ABCC6: variants seen among roughly 807,000 people sequenced by gnomAD.
ABCC6 encodes ATP-binding cassette sub-family C member 6.
Under a neutral mutation model 169.5 loss-of-function variants are expected in ABCC6, and 126 were observed. The observed-to-expected ratio is 0.74, with a 90% CI of 0.64 to 0.86. The LOEUF (loss-of-function observed/expected upper bound fraction) is 0.86, where lower values mean the gene tolerates loss of function less well. Among genes scored for constraint, ABCC6 ranks in the 40% least tolerant of loss-of-function variants. The pLI is 0.00. For missense variants in ABCC6, 1,733 were observed against 1,927.2 expected (o/e 0.90, Z 1.89); for synonymous variants, 752 against 814.7 (o/e 0.92, Z 1.31).
chr16:16,179,584 C>G (rs1316564363), intron 17 of ABCC6, among the ~76,000 whole-genome samples: 1 of 151,970 alleles, frequency 6.6e-6, no homozygotes, highest in Non-Finnish European at 1.5e-5. Flanking sequence ...ATTATTATTA[C>G]TGCTGTTGTC....
chr16:16,189,631 T>A (rs1596677300), intron 12 of ABCC6, among the ~76,000 whole-genome samples: 2 of 152,186 alleles, frequency 1.3e-5, no homozygotes, highest in Non-Finnish European at 2.9e-5. Context: ...TTGGCCAGGC[T>A]GGTCTTGAAC....
intron 21 of ABCC6, chr16:16,173,027 G>C: frequency 1.9e-6 from 1 of 535,544 alleles, no homozygotes; most frequent in Non-Finnish European, 3.3e-6. Flanking sequence ...GGGTGAGTGA[G>C]CGAGCCACTT....
intron 14 of ABCC6, among the ~76,000 whole-genome samples, chr16:16,185,505 C>A (rs1357096757): frequency 6.6e-6 from 1 of 152,132 alleles, no homozygotes; most frequent in South Asian, 2.1e-4. Context: ...TTCACTGTGG[C>A]CGGCACAGTG....
At chr16:16,159,283 G>T (rs1208013749) in intron 26 of ABCC6, among the ~76,000 whole-genome samples, 199 bp downstream of exon 26, 1 of 152,160 alleles carries the variant, frequency 6.6e-6, no homozygotes, top group African/African-American at 2.4e-5. Context: ...AAGGAACCAA[G>T]ATTTGGCCTG....
rs1729324889 is a variant in ABCC6, at chr16:16,150,111, G to A, written c.*22C>T. The A allele has an allele frequency of 6.2e-7, 1 of 1,611,540 alleles. No homozygotes were observed. Among genetic ancestry groups the A allele is most frequent in the Non-Finnish European group, 8.5e-7 (1 of 1,179,834 alleles). ...CAGGCTGTGCGGGCTGGTCCAACTGGGGTACGGTTGAGGGTCCTGGCTCAG... is the reference window on the plus strand; with the variant it reads ...CAGGCTGTGCGGGCTGGTCCAACTGAGGTACGGTTGAGGGTCCTGGCTCAG... On this transcript the variant is annotated 3_prime_UTR_variant, in exon 31 of 31. Transcript: ENST00000205557.
Position 16,177,524 on chromosome 16 carries a change from G to A in ABCC6, c.2518C>T (p.Leu840Phe), listed in dbSNP as rs1036487176. Residue 840 changes from leucine (L) to phenylalanine (F), a missense_variant, in exon 19 of 31, where the codon CTT (leucine) becomes TTT (phenylalanine). Leu to Phe is a conservative substitution (Grantham distance 22, BLOSUM62 0). Coordinates refer to ENST00000205557, the MANE Select transcript of ABCC6 (RefSeq NM_001171.6). ...ATGAGGGCCCCCTTCCTCTGCAGAA[G>A]CTCCTGGTAGGAACCCATCTCTGCG... ...AIAEMGSYQE[L>F]LQRKGALMCL... is the part of the protein sequence containing the mutation. 1.9e-6 allele frequency: 3 copies of A among 1,613,890 alleles called. No individual in the cohort carries two copies. Among genetic ancestry groups the A allele is most frequent in the African/African-American group, 2.7e-5 (2 of 74,936 alleles).
intron 29 of ABCC6, among the ~76,000 whole-genome samples, chr16:16,151,087 C>T (rs1222969613): frequency 2.7e-5 from 4 of 149,606 alleles, no homozygotes; most frequent in Admixed American, 6.7e-5. Flanking sequence ...TTTTTTGAGA[C>T]GGAGTCTTGC....
At chr16:16,199,261 G>A (rs1478173873) in intron 9 of ABCC6, among the ~76,000 whole-genome samples, 1 of 147,796 alleles carries the variant, frequency 6.8e-6, no homozygotes, top group African/African-American at 2.5e-5. Context: ...GAGACATCTC[G>A]ATTTTGGAAG....
At chr16:16,184,338 G>A (rs960508356) in intron 15 of ABCC6, 3 of 209,352 alleles carry the variant, frequency 1.4e-5, no homozygotes, top group African/African-American at 7.0e-5. Context: ...TTTTCTGTTT[G>A]GGCCTCACCT....
rs141045267 is a variant in ABCC6, at chr16:16,160,058, C to T, written c.3634-475G>A. 6.6e-5 allele frequency among the ~76,000 whole-genome samples: 10 copies of T among 152,294 alleles called. 1 individual carries two copies. Among genetic ancestry groups the T allele is most frequent in the Non-Finnish European group, 1.3e-4 (9 of 68,010 alleles). On this transcript the variant is annotated intron_variant, in intron 25 of 30. Transcript: ENST00000205557. ...TCCCCAACCTTGTCTCCCAGCACCC[C>T]TGCCTTCACCCACCCTCTCCAGCCA...
intron 27 of ABCC6, chr16:16,155,464 A>G (rs2046522877): frequency 9.6e-6 from 2 of 208,128 alleles, no homozygotes. Context: ...TCTCTCTTCC[A>G]CCCCATTCCA....
At chr16:16,204,757 A>G (rs902038148) in intron 7 of ABCC6, among the ~76,000 whole-genome samples, 1 of 151,788 alleles carries the variant, frequency 6.6e-6, no homozygotes, top group African/African-American at 2.4e-5. Context: ...GTGTGAGAGG[A>G]TGGGTGTGGT....
chr16:16,194,026 A>C (rs2047953669), intron 10 of ABCC6, among the ~76,000 whole-genome samples: 1 of 152,198 alleles, frequency 6.6e-6, no homozygotes. Context: ...AGTTATATTC[A>C]AGACAGATTG....
Position 16,169,744 on chromosome 16 carries a change from T to C in ABCC6, c.2897A>G (p.Tyr966Cys), listed in dbSNP as rs2046997465. The change falls in exon 22 of 31, where the codon TAC (tyrosine) becomes TGC (cysteine). Residue 966 changes from tyrosine (Y) to cysteine (C), a missense_variant. Transcript: ENST00000205557. ...CQQVASFCRG[Y>C]WLSLWADDPA... ...GTCGTCCGCCCACAGGCTCAGCCAG[T>C]AGCCCCGGCAGAAGGAGGCCACTTG... 18 of 1,607,248 alleles carry C rather than the reference T, an allele frequency of 1.1e-5. No homozygotes were observed. Among genetic ancestry groups the C allele is most frequent in the Non-Finnish European group, 1.5e-5 (18 of 1,177,440 alleles).
chr16:16,192,977 G>A lies in ABCC6; in HGVS notation c.1339-55C>T, dbSNP rs1420358340. On this transcript the variant is annotated intron_variant, in intron 10 of 30. Coordinates refer to ENST00000205557, the MANE Select transcript of ABCC6 (RefSeq NM_001171.6). ...GATCCCGAGGAGCCCAGCTCTCAGA[G>A]GCACGTGAACCAGAGCAACTCCATC... The A allele has an allele frequency of 6.5e-5, 97 of 1,497,228 alleles. No individual in the cohort carries two copies. In the South Asian group the frequency reaches 1.0e-3, roughly 16 times the overall value. 92.7% of individuals were successfully genotyped at this position (1,497,228 alleles called of 1,614,324 possible).
At chr16:16,190,727 T>C (rs1177267477) in intron 11 of ABCC6, among the ~76,000 whole-genome samples, 2 of 150,688 alleles carry the variant, frequency 1.3e-5, no homozygotes, top group South Asian at 4.2e-4. Flanking sequence ...GGAGTTGGGG[T>C]CTCACTATGT....
intron 6 of ABCC6, among the ~76,000 whole-genome samples, chr16:16,209,713 C>T (rs1596738473): frequency 1.3e-5 from 2 of 152,110 alleles, no homozygotes; most frequent in South Asian, 2.1e-4. Flanking sequence ...AAGCGATTCT[C>T]ACGCCTCAGC....
intron 15 of ABCC6, among the ~76,000 whole-genome samples, 191 bp downstream of exon 15, chr16:16,184,768 G>C (rs1423929813): frequency 1.3e-5 from 2 of 152,064 alleles, no homozygotes; most frequent in African/African-American, 2.4e-5. Context: ...GGTCTATGCT[G>C]TGCAGGTCCC....
intron 6 of ABCC6, among the ~76,000 whole-genome samples, chr16:16,210,668 GC>G (rs2048577968): frequency 1.3e-5 from 2 of 152,216 alleles, no homozygotes; most frequent in Admixed American, 1.3e-4. Context: ...GGACAAAAAA[GC>G]ATCAAGAGTG....
Sources: gnomAD v4.1 joint callset for allele counts (sites outside exome capture counted in the v4.1 genomes callset) on GRCh38, gnomAD v4.1.1 for gene constraint, MANE v1.5 for transcripts, NCBI Gene and HGNC (gene_info 2026-07-23, HGNC 2026-07-21) for gene names.